The following SMCO2 variants were observed in gnomAD, a reference collection of about 807,000 sequenced individuals.
The protein encoded by SMCO2 is single-pass membrane and coiled-coil domain-containing protein 2.
SMCO2 carries 25 observed loss-of-function variants against 29.5 expected under a neutral mutation model. The observed-to-expected ratio is 0.85, with a 90% CI of 0.62 to 1.18. The LOEUF is 1.18. SMCO2 is among the 50% of genes most tolerant of loss of function. The pLI, the probability that SMCO2 is intolerant of heterozygous loss-of-function variation, is 0.00. For synonymous variants in SMCO2, 117 were observed against 123.3 expected (o/e 0.95, Z 0.34); for missense variants, 348 against 344.5 (o/e 1.01, Z -0.08).
chr12:27,475,497 C>A, intron 4 of SMCO2, 85 bp from the exon 5 acceptor site: 2 of 1,389,572 alleles, frequency 1.4e-6, no homozygotes, highest in Non-Finnish European at 1.9e-6. Flanking sequence ...CAGATCAACT[C>A]GCTATTCAAA....
At chr12:27,433,161 C>T in the SMCO2 span, among the ~76,000 whole-genome samples, 15 of 152,134 alleles carry the variant, frequency 9.9e-5, no homozygotes, top group African/African-American at 1.9e-4. Context: ...TAAACATACA[C>T]GTACACACAT....
At chr12:27,475,859 C>A in intron 4 of SMCO2, 128 bp downstream of exon 5, 1 of 980,146 alleles carries the variant, frequency 1.0e-6, no homozygotes, top group Non-Finnish European at 1.4e-6. Context: ...GATGAAATAT[C>A]TGTTTATCTT....
At chr12:27,483,017 G>A (rs543892258) in intron 4 of SMCO2, among the ~76,000 whole-genome samples, 8 of 152,244 alleles carry the variant, frequency 5.3e-5, no homozygotes, top group South Asian at 4.1e-4. Flanking sequence ...GTTAACCACC[G>A]TGCCCAGCCA....
rs745602203 is a variant in SMCO2 at position 27,471,818 on chromosome 12, C to T, written c.135-958C>T. Among the ~76,000 whole-genome samples, 23 of 152,280 alleles carry T rather than the reference C, an allele frequency of 1.5e-4. No individual in the cohort carries two copies. The Middle Eastern group carries it at 0.01, about 68-fold the overall frequency. On this transcript the variant is annotated intron_variant, in intron 2 of 7. Transcript: ENST00000298876. Reference sequence around the variant, plus strand: ...ATTTAGACAAGGAGTGGGAAACAGGCACATTTTTGCTCGGAGTGAAAATTG... The same window carrying T: ...ATTTAGACAAGGAGTGGGAAACAGGTACATTTTTGCTCGGAGTGAAAATTG...
At chr12:27,456,522 G>A in the SMCO2 span, among the ~76,000 whole-genome samples, 1 of 151,984 alleles carries the variant, frequency 6.6e-6, no homozygotes, top group African/African-American at 2.4e-5. Flanking sequence ...GGGCTCAAGC[G>A]ATCCTCCCAC....
chr12:27,477,240 T>C (rs1185614756), intron 4 of SMCO2, among the ~76,000 whole-genome samples: 2 of 137,020 alleles, frequency 1.5e-5, no homozygotes, highest in East Asian at 4.5e-4. Flanking sequence ...TTTTTTCCTC[T>C]CAGCACTTTG....
chr12:27,456,533 C>G, the SMCO2 span, among the ~76,000 whole-genome samples: 1 of 152,186 alleles, frequency 6.6e-6, no homozygotes, highest in Non-Finnish European at 1.5e-5. Context: ...ATCCTCCCAC[C>G]TCAGTCTCCT....
chr12:27,428,096 A>G, the SMCO2 span, among the ~76,000 whole-genome samples: 47 of 152,018 alleles, frequency 3.1e-4, no homozygotes, highest in South Asian at 9.3e-3. Context: ...CTGAACACCA[A>G]TGTTAGGTTT....
chr12:27,453,245 T>G, the SMCO2 span, among the ~76,000 whole-genome samples: 1 of 151,848 alleles, frequency 6.6e-6, no homozygotes, highest in Non-Finnish European at 1.5e-5. Flanking sequence ...TGGTCAAGAG[T>G]CTTCCTTGTG....
At chr12:27,437,914 CT>C in the SMCO2 span, among the ~76,000 whole-genome samples, 14 of 152,278 alleles carry the variant, frequency 9.2e-5, no homozygotes, top group Non-Finnish European at 1.8e-4. Context: ...GCATTTAAAC[CT>C]GCTCTGTTTA....
the SMCO2 span, among the ~76,000 whole-genome samples, chr12:27,458,851 C>T: frequency 1.4e-5 from 2 of 146,448 alleles, no homozygotes; most frequent in Admixed American, 1.4e-4. Flanking sequence ...TGTGCCATTG[C>T]ACTCCAGCCT....
At chr12:27,457,803 T>C in the SMCO2 span, among the ~76,000 whole-genome samples, 2 of 152,236 alleles carry the variant, frequency 1.3e-5, no homozygotes, top group Admixed American at 1.3e-4. Context: ...AATTTAAAAC[T>C]TCGTAACCAG....
intron 5 of SMCO2, among the ~76,000 whole-genome samples, chr12:27,492,007 T>C (rs1359523703): frequency 2.6e-5 from 4 of 152,242 alleles, no homozygotes; most frequent in Admixed American, 2.0e-4. Context: ...CTGTGGCTGG[T>C]TGCATGCTTA....
intron 7 of SMCO2, chr12:27,498,709 AT>A (rs1403515236): frequency 6.6e-6 from 1 of 150,782 alleles, no homozygotes; most frequent in Non-Finnish European, 1.5e-5. Context: ...TGAAAAAAAA[AT>A]AACTCTTACA....
At chr12:27,428,075 C>G in the SMCO2 span, among the ~76,000 whole-genome samples, 2,529 of 152,034 alleles carry the variant, frequency 0.017, 31 homozygotes, top group Non-Finnish European at 0.028. Context: ...GTTGGTTCAT[C>G]AGAAACATCT....
At position 27,470,487 on chromosome 12, in the gene SMCO2, C is replaced by T. The variant is rs187989310; in HGVS notation, c.-10-135C>T. ...TAAGAGCTTGTTTTGGGGTCCTTTACGATGAACAGCCAGTTGAAAGGGGAG... is the reference window on the plus strand; with the variant it reads ...TAAGAGCTTGTTTTGGGGTCCTTTATGATGAACAGCCAGTTGAAAGGGGAG... On this transcript the variant is annotated intron_variant, in intron 1 of 7. Coordinates refer to ENST00000298876, the Ensembl canonical transcript of SMCO2. The T allele has an allele frequency of 8.1e-5, 75 of 926,720 alleles. No homozygotes were observed. In the East Asian group the frequency reaches 1.4e-3, roughly 17 times the overall value. The allele number at this position is 926,720 out of a possible 1,614,324, so 57.4% of individuals were successfully genotyped here.
the SMCO2 span, among the ~76,000 whole-genome samples, chr12:27,426,713 A>C: frequency 6.6e-6 from 1 of 152,220 alleles, no homozygotes; most frequent in South Asian, 2.1e-4. Flanking sequence ...ACAAATATAT[A>C]AGTAGTACAA....
intron 5 of SMCO2, among the ~76,000 whole-genome samples, chr12:27,489,005 C>A (rs1223665954): frequency 6.6e-6 from 1 of 152,118 alleles, no homozygotes; most frequent in Non-Finnish European, 1.5e-5. Flanking sequence ...TGTCTCCTCA[C>A]ACTTCTTATA....
the SMCO2 span, among the ~76,000 whole-genome samples, chr12:27,448,376 T>TA: frequency 6.6e-6 from 1 of 152,182 alleles, no homozygotes; most frequent in East Asian, 1.9e-4. Context: ...GCGGCAAGTC[T>TA]TTACTGAGTT....
Sources: gnomAD v4.1 joint callset for allele counts (sites outside exome capture counted in the v4.1 genomes callset) on GRCh38, gnomAD v4.1.1 for gene constraint, MANE v1.5 for transcripts, NCBI Gene and HGNC (gene_info 2026-07-23, HGNC 2026-07-21) for gene names.